Variants in ATIC observed in about 807,000 individuals in gnomAD.
ATIC encodes the protein 5-aminoimidazole-4-carboxamide ribonucleotide formyltransferase/IMP cyclohydrolase, also known as bifunctional purine biosynthesis protein ATIC.
ATIC carries 64 observed loss-of-function variants against 72.5 expected under a neutral mutation model. The ratio of observed to expected loss-of-function variants is 0.88; its 90% CI spans 0.72 to 1.09. The LOEUF (loss-of-function observed/expected upper bound fraction) is 1.09, where lower values mean the gene tolerates loss of function less well. ATIC is among the 50% of genes least tolerant of loss of function. The pLI, the probability that ATIC is intolerant of heterozygous loss-of-function variation, is 0.00. For synonymous variants in ATIC, 281 were observed against 267.1 expected (o/e 1.05, Z -0.51); for missense variants, 787 against 732.4 (o/e 1.07, Z -0.86).
rs1179173571 is a variant in ATIC at position 215,344,876 on chromosome 2, G to A, written c.1320+5G>A. The A allele has an allele frequency of 1.9e-6, 3 of 1,613,450 alleles. No homozygotes were observed. Among genetic ancestry groups the A allele is most frequent in the Non-Finnish European group, 2.5e-6 (3 of 1,179,616 alleles). ...TGCTACGCCAAGAACGGGCAGGTAA[G>A]TGGGCTGTTGGACTCGCCTTCGGGG... is the stretch of plus-strand genomic sequence containing the variant. On this transcript the variant is annotated splice_donor_5th_base_variant and intron_variant, in intron 13 of 15. Coordinates refer to ENST00000236959, the MANE Select transcript of ATIC (RefSeq NM_004044.7).
the ATIC span, among the ~76,000 whole-genome samples, chr2:215,358,934 G>A: frequency 6.6e-6 from 1 of 152,210 alleles, no homozygotes; most frequent in African/African-American, 2.4e-5. Context: ...CCATGCTGGA[G>A]TGCAATAGCA....
rs1257984179 is a variant in ATIC, at chr2:215,318,197, G to T, written c.187G>T (p.Gly63Ter). The T allele has an allele frequency of 1.2e-6, 2 of 1,614,052 alleles. No homozygotes were observed. Among genetic ancestry groups the T allele is most frequent in the Non-Finnish European group, 1.7e-6 (2 of 1,179,988 alleles). The change falls in exon 3 of 16, where the codon GGA (glycine) becomes TGA (stop). Residue 63 changes from glycine to a stop codon, truncating the protein, a stop_gained. Coordinates refer to ENST00000236959, the MANE Select transcript of ATIC (RefSeq NM_004044.7). LOFTEE classifies it high-confidence loss of function. ...ELTGFPEMLGGRVKTLHPAVH... is the reference protein window; with the variant it reads ...ELTGFPEMLG Reference sequence around the variant, plus strand: ...GACGGGATTTCCTGAAATGTTGGGGGGACGTGTGAAAACTTTGCATCCTGC... The same window carrying T: ...GACGGGATTTCCTGAAATGTTGGGGTGACGTGTGAAAACTTTGCATCCTGC...
intron 13 of ATIC, chr2:215,345,176 C>G (rs2053059204): frequency 7.4e-6 from 3 of 407,894 alleles, no homozygotes; most frequent in Non-Finnish European, 1.4e-5. Flanking sequence ...TTCCTTTTCC[C>G]CCATTGGTAT....
chr2:215,316,052 C>T (rs2052705180), intron 2 of ATIC, among the ~76,000 whole-genome samples: 1 of 151,876 alleles, frequency 6.6e-6, no homozygotes, highest in Admixed American at 6.6e-5. Flanking sequence ...TTAACCATTA[C>T]CTTGTCATGA....
Position 215,346,889 on chromosome 2 carries a change from G to A in ATIC, c.1451G>A (p.Arg484Lys), listed in dbSNP as rs547883640. Residue 484 changes from arginine (R) to lysine (K), a missense_variant, in exon 14 of 16, where the codon AGA becomes AAA. Arg to Lys is a conservative substitution (Grantham distance 26). Transcript: ENST00000236959. ...LSMKFKTGVK[R>K]AEISNAIDQY... is the part of the protein sequence containing the mutation. ...ATGAAGTTTAAAACAGGAGTGAAGA[G>A]AGCAGAAATCTCCAATGCCATCGAT... 6.2e-6 allele frequency: 10 copies of A among 1,614,208 alleles called. No homozygotes were observed. In the East Asian group the frequency reaches 1.1e-4, roughly 18 times the overall value.
chr2:215,360,542 G>A, the ATIC span: 5 of 152,152 alleles, frequency 3.3e-5, no homozygotes, highest in Non-Finnish European at 7.3e-5. Flanking sequence ...AGGGAAGAAG[G>A]GAAGAATTAC....
chr2:215,333,910 G>C (rs1483041383), intron 9 of ATIC, among the ~76,000 whole-genome samples: 2 of 151,578 alleles, frequency 1.3e-5, no homozygotes, highest in African/African-American at 4.8e-5. Flanking sequence ...GGCGTGGTGG[G>C]GGGTACCTGT....
chr2:215,320,271 C>T (rs771661867), intron 4 of ATIC, among the ~76,000 whole-genome samples: 8 of 152,176 alleles, frequency 5.3e-5, no homozygotes, highest in Non-Finnish European at 1.2e-4. Context: ...ATACAACTCA[C>T]CAATTTAAAA....
chr2:215,329,863 A>G (rs4673989), intron 7 of ATIC, among the ~76,000 whole-genome samples: 39,179 of 151,966 alleles, frequency 0.26, 5,984 homozygotes, highest in South Asian at 0.47. Context: ...CCCAGGTTCA[A>G]GTGATCTCCT....
At chr2:215,337,924 C>T (rs1166495162) in intron 11 of ATIC, among the ~76,000 whole-genome samples, 1 of 152,196 alleles carries the variant, frequency 6.6e-6, no homozygotes, top group East Asian at 1.9e-4. Flanking sequence ...TATCCCTCTA[C>T]CTGACTAATG....
rs116167313 is a variant in ATIC at position 215,337,032 on chromosome 2, A to G, written c.1098+908A>G. Among the ~76,000 whole-genome samples the G allele has an allele frequency of 4.4e-3, 649 of 148,430 alleles. 7 individuals carry two copies. Among genetic ancestry groups the G allele is most frequent in the African/African-American group, 0.015 (601 of 40,526 alleles). On this transcript the variant is annotated intron_variant, in intron 11 of 15. Transcript: ENST00000236959. ...TGTTTGAATGTTTTTATTCCTTTCT[A>G]TGAACTGTCTTTCCATATTCTTTGA...
chr2:215,331,513 G>A (rs1340968668), intron 7 of ATIC, among the ~76,000 whole-genome samples: 2 of 151,330 alleles, frequency 1.3e-5, no homozygotes, highest in Admixed American at 6.6e-5. Flanking sequence ...CTCCCTAGTA[G>A]CTGGGATTAC....
the ATIC span, chr2:215,361,356 C>T: frequency 1.6e-6 from 1 of 632,020 alleles, no homozygotes; most frequent in African/African-American, 1.8e-5. Flanking sequence ...GTGCAGCCCT[C>T]ATTTATGAGA....
chr2:215,312,199 C>T, intron 1 of ATIC, 38 bp downstream of exon 1: 2 of 1,487,076 alleles, frequency 1.3e-6, no homozygotes, highest in South Asian at 1.3e-5. Flanking sequence ...TGCGTCCTCG[C>T]CTGCGGCCCC....
chr2:215,365,778 A>G, the ATIC span: 4 of 428,192 alleles, frequency 9.3e-6, no homozygotes, highest in Non-Finnish European at 1.6e-5. Context: ...ATAATGGGCC[A>G]TTTATTTTAT....
intron 14 of ATIC, 67 bp from the exon 15 acceptor site, chr2:215,349,027 G>C (rs769022508): frequency 1.2e-5 from 18 of 1,553,048 alleles, no homozygotes; most frequent in Non-Finnish European, 1.5e-5. Context: ...CTGGCATGGT[G>C]ATTTGCACCA....
In ATIC at chr2:215,344,629, T is replaced by G. The variant is rs941233063; in HGVS notation, c.1228-150T>G. ...GGTGGAGGTTACAGTGAGCCGAGATTGTGCCGTTGGAGATTGTCCCATTGT... is the reference window on the plus strand; with the variant it reads ...GGTGGAGGTTACAGTGAGCCGAGATGGTGCCGTTGGAGATTGTCCCATTGT... On this transcript the variant is annotated intron_variant, in intron 12 of 15. Transcript: ENST00000236959. The G allele has an allele frequency of 9.4e-6, 7 of 741,012 alleles. No individual in the cohort carries two copies. The African/African-American group carries it at 1.1e-4, about 11-fold the overall frequency. The allele number at this position is 741,012 out of a possible 1,614,324, so 45.9% of individuals were successfully genotyped here.
In ATIC at chr2:215,349,232, G is replaced by C; in HGVS notation, c.1642G>C (p.Val548Leu). Residue 548 changes from valine (V) to leucine (L), a missense_variant, in exon 15 of 16, where the codon GTA becomes CTA. Coordinates refer to ENST00000236959, the MANE Select transcript of ATIC (RefSeq NM_004044.7). ...SDAFFPFRDN[V>L]DRAKRSGVAY... Reference sequence around the variant, plus strand: ...TGCCTTCTTCCCTTTCCGAGATAACGTAGACAGAGCTAAAAGGGTAAGTAT... The same window carrying C: ...TGCCTTCTTCCCTTTCCGAGATAACCTAGACAGAGCTAAAAGGGTAAGTAT... 6.2e-7 allele frequency: 1 copy of C among 1,614,154 alleles called. No homozygotes were observed. The highest frequency in any genetic ancestry group is 8.5e-7 in the Non-Finnish European group (1 of 1,180,024).
At chr2:215,319,551 A>ATT in intron 3 of ATIC, 114 bp from the exon 4 acceptor site, 2 of 797,922 alleles carry the variant, frequency 2.5e-6, no homozygotes, top group Non-Finnish European at 4.2e-6. Flanking sequence ...AAAAAAATAA[A>ATT]TTTTTTTTTT....
Sources: allele counts gnomAD v4.1 joint callset (sites outside exome capture counted in the v4.1 genomes callset), GRCh38; gene constraint gnomAD v4.1.1; transcripts MANE v1.5; gene names NCBI Gene and HGNC (gene_info 2026-07-23, HGNC 2026-07-21).